RBFOX3: variants seen among roughly 807,000 people sequenced by gnomAD.
RBFOX3 encodes the protein RNA binding protein fox-1 homolog 3.
A neutral mutation model predicts 48.7 loss-of-function variants in RBFOX3; 17 were observed. The ratio of observed to expected loss-of-function variants is 0.35; its 90% confidence interval spans 0.24 to 0.52. The LOEUF (loss-of-function observed/expected upper bound fraction) is 0.52. Among genes scored for constraint, RBFOX3 ranks in the 20% least tolerant of loss-of-function variants. The pLI is 0.94. For synonymous variants in RBFOX3, 212 were observed against 209.5 expected, an observed-to-expected ratio of 1.01 and a Z score of -0.10; for missense variants, 382 against 497.5, an observed-to-expected ratio of 0.77 and a Z score of 2.21.
At chr17:79,194,753 GGTGTGT>G (rs56182116) in intron 4 of RBFOX3, among the ~76,000 whole-genome samples, 109,345 of 148,968 alleles carry the variant, frequency 0.73, 40,592 homozygotes, top group Non-Finnish European at 0.8. Context: ...TGTGTGTGTG[GGTGTGT>G]GTGTGTGTGT....
chr17:79,367,875 C>T (rs1429966679), intron 2 of RBFOX3, among the ~76,000 whole-genome samples: 4 of 152,312 alleles, frequency 2.6e-5, no homozygotes, highest in East Asian at 1.9e-4. Context: ...CACCGACAAT[C>T]GTTCACTATG....
At chr17:79,537,354 T>C (rs904862142) in intron 1 of RBFOX3, among the ~76,000 whole-genome samples, 5 of 152,180 alleles carry the variant, frequency 3.3e-5, no homozygotes, top group Non-Finnish European at 7.3e-5. Flanking sequence ...CCTCTTTTCT[T>C]AGAAGGGCAC....
intron 4 of RBFOX3, among the ~76,000 whole-genome samples, chr17:79,218,595 C>A (rs931215255): frequency 6.6e-6 from 1 of 152,134 alleles, no homozygotes; most frequent in Admixed American, 6.5e-5. Context: ...TAACCAGAGA[C>A]GGAAGCCCCC....
rs999821602 is a variant in RBFOX3, at chr17:79,090,799, C to CT, written c.*83dup. ...TTTTTTGTTGCTTGGATCTTAACATCTTTTTTTGTTTTTTTTGTTTTGTGA... is the reference window on the plus strand; with the variant it reads ...TTTTTTGTTGCTTGGATCTTAACATCTTTTTTTTGTTTTTTTTGTTTTGTGA... On this transcript the variant is annotated 3_prime_UTR_variant, in exon 15 of 15. Transcript: ENST00000693108. 18 of 1,424,584 alleles carry CT rather than the reference C, an allele frequency of 1.3e-5. No individual in the cohort carries two copies. The highest frequency in any genetic ancestry group is 1.8e-4 in the Middle Eastern group (1 of 5,546). 88.2% of individuals were successfully genotyped at this position (1,424,584 alleles called of 1,614,324 possible). A position where few individuals can be genotyped will look rare whatever the true frequency, so the allele number is the denominator to read the frequency against.
chr17:79,139,151 G>C (rs1289974150), intron 4 of RBFOX3, among the ~76,000 whole-genome samples: 3 of 152,042 alleles, frequency 2.0e-5, no homozygotes, highest in Non-Finnish European at 4.4e-5. Flanking sequence ...TCCTGCCTTG[G>C]CATGCTCACA....
Position 79,479,663 on chromosome 17 carries a change from G to A in RBFOX3, c.-175+2791C>T, listed in dbSNP as rs911395208. Among the ~76,000 whole-genome samples, 23 of 152,228 alleles carry A rather than the reference G, an allele frequency of 1.5e-4. No homozygotes were observed. Among genetic ancestry groups the A allele is most frequent in the African/African-American group, 5.5e-4 (23 of 41,460 alleles). On this transcript the variant is annotated intron_variant, in intron 2 of 14. Coordinates refer to ENST00000693108, the MANE Select transcript of RBFOX3 (RefSeq NM_001350451.2). This position sits in a 1 kb window ranked among gnomAD's most constrained non-coding sequence, Gnocchi z 5.1. ...CCCTGGACTTCCCAGACGCTCCCTC[G>A]GGGGTGGGCTGGTCTTGTACTTTCA...
At position 79,433,398 on chromosome 17, in the gene RBFOX3, G is replaced by A. The variant is rs1598668908; in HGVS notation, c.-175+49056C>T. Among the ~76,000 whole-genome samples the A allele has an allele frequency of 3.3e-5, 5 of 152,300 alleles. No individual in the cohort carries two copies. In the South Asian group the frequency reaches 1.0e-3, roughly 32 times the overall value. ...GAGAGGGGGCACTGTTCCCACTTCT[G>A]TCATGTGACTTTGTACTCCTCCCAT... is the stretch of plus-strand genomic sequence containing the variant. On this transcript the variant is annotated intron_variant, in intron 2 of 14. Coordinates refer to ENST00000693108, the MANE Select transcript of RBFOX3 (RefSeq NM_001350451.2).
the RBFOX3 span, among the ~76,000 whole-genome samples, chr17:79,648,145 G>T: frequency 6.6e-6 from 1 of 152,168 alleles, no homozygotes; most frequent in Admixed American, 6.5e-5. Flanking sequence ...AGTTCTCAGA[G>T]TTGGGAGCAT....
intron 2 of RBFOX3, among the ~76,000 whole-genome samples, chr17:79,475,164 G>C (rs1454987832): frequency 2.0e-5 from 3 of 152,064 alleles, no homozygotes; most frequent in Admixed American, 6.6e-5. Context: ...AGTGGGTGGG[G>C]GACAGAGAAT....
chr17:79,193,404 A>G (rs1218568097), intron 4 of RBFOX3, among the ~76,000 whole-genome samples: 1 of 152,070 alleles, frequency 6.6e-6, no homozygotes, highest in Non-Finnish European at 1.5e-5. Flanking sequence ...ATTAGGAAGA[A>G]ATGTTTGCAT....
chr17:79,358,971 C>T (rs773415524), intron 2 of RBFOX3, among the ~76,000 whole-genome samples: 3 of 152,230 alleles, frequency 2.0e-5, no homozygotes, highest in African/African-American at 4.8e-5. Flanking sequence ...GCAGACACCA[C>T]GAGTGGCACA....
intron 1 of RBFOX3, among the ~76,000 whole-genome samples, chr17:79,570,380 AATAGATGGATGGTAGATAGAAGATAG>A (rs2144525333): frequency 6.6e-6 from 1 of 151,998 alleles, no homozygotes; most frequent in East Asian, 1.9e-4. Flanking sequence ...ACAGATGGAT[AATAGATGGATGGTAGATAGAAGATAG>A]ATAGATGGAT....
At chr17:79,411,098 C>T (rs2064258674) in intron 2 of RBFOX3, among the ~76,000 whole-genome samples, 1 of 152,228 alleles carries the variant, frequency 6.6e-6, no homozygotes, top group Admixed American at 6.5e-5. Flanking sequence ...ACAGGAACCA[C>T]CTTGAGCACA....
chr17:79,523,743 T>C (rs1260154221), intron 1 of RBFOX3, among the ~76,000 whole-genome samples: 2 of 152,184 alleles, frequency 1.3e-5, no homozygotes, highest in African/African-American at 4.8e-5. Context: ...TAGAAGGAGA[T>C]GGGCAAACAC....
intron 1 of RBFOX3, among the ~76,000 whole-genome samples, chr17:79,576,445 T>C (rs1316026894): frequency 2.0e-5 from 3 of 151,048 alleles, no homozygotes; most frequent in African/African-American, 4.9e-5. Flanking sequence ...ACGGAGATGA[T>C]GGAGAAGGTG....
At chr17:79,153,144 C>T (rs966857021) in intron 4 of RBFOX3, among the ~76,000 whole-genome samples, 5 of 152,232 alleles carry the variant, frequency 3.3e-5, no homozygotes, top group South Asian at 2.1e-4. Context: ...TGTCTGCCCC[C>T]GACCCTTGGC....
At chr17:79,251,755 C>T (rs2063993367) in intron 3 of RBFOX3, among the ~76,000 whole-genome samples, 1 of 152,210 alleles carries the variant, frequency 6.6e-6, no homozygotes, top group Non-Finnish European at 1.5e-5. Flanking sequence ...TTCACAGCTG[C>T]CCACAGGCTC....
chr17:79,656,703 AG>A, the RBFOX3 span, among the ~76,000 whole-genome samples: 18 of 110,268 alleles, frequency 1.6e-4, no homozygotes, highest in East Asian at 8.4e-4. Context: ...GAAGGAAGGA[AG>A]GAAGGAGAGA....
chr17:79,138,008 A>C (rs1450412047), intron 4 of RBFOX3, among the ~76,000 whole-genome samples: 2 of 152,148 alleles, frequency 1.3e-5, no homozygotes, highest in Non-Finnish European at 2.9e-5. Flanking sequence ...GCGGAGGCAC[A>C]TCCCAGGCAG....
Sources: allele counts gnomAD v4.1 joint callset (sites outside exome capture counted in the v4.1 genomes callset), GRCh38; gene constraint gnomAD v4.1.1; non-coding constraint Gnocchi (gnomAD v3.1); transcripts MANE v1.5; gene names NCBI Gene and HGNC (gene_info 2026-07-23, HGNC 2026-07-21).